The following MYRFL variants were observed in gnomAD, a reference collection of about 807,000 sequenced individuals.
MYRFL encodes the protein myelin regulatory factor-like protein.
Under a neutral mutation model 109.4 loss-of-function variants are expected in MYRFL, and 88 were observed. That is an observed-to-expected ratio of 0.80 (90% CI 0.68 to 0.96). MYRFL has a LOEUF of 0.96. MYRFL is among the 40% of genes least tolerant of loss of function. MYRFL has a pLI of 0.00. For missense variants in MYRFL, 957 were observed against 954.9 expected (o/e 1.00, Z -0.03); for synonymous variants, 324 against 320.9 (o/e 1.01, Z -0.10).
At chr12:69,847,211 G>A (rs1883611932) in intron 1 of MYRFL, among the ~76,000 whole-genome samples, 1 of 152,066 alleles carries the variant, frequency 6.6e-6, no homozygotes, top group African/African-American at 2.4e-5. Context: ...ACATTTCAAG[G>A]CCCTTTTGTT....
chr12:69,896,148 G>A (rs1304588307), intron 9 of MYRFL, among the ~76,000 whole-genome samples: 2 of 152,084 alleles, frequency 1.3e-5, no homozygotes, highest in Non-Finnish European at 2.9e-5. Flanking sequence ...TTACTAGGCG[G>A]GTGACCTTGG....
At chr12:69,944,786 G>T (rs1304264222) in intron 19 of MYRFL, among the ~76,000 whole-genome samples, 1 of 152,166 alleles carries the variant, frequency 6.6e-6, no homozygotes, top group Non-Finnish European at 1.5e-5. Context: ...TAGATGACGG[G>T]TTGATGGGTG....
chr12:69,879,217 GC>G lies in MYRFL; in HGVS notation c.231del (p.Thr78GlnfsTer64), dbSNP rs1157014940. The G allele has an allele frequency of 7.1e-6, 5 of 702,680 alleles. No individual in the cohort carries two copies. The allele number at this position is 702,680 out of a possible 1,614,324, so 43.5% of individuals were successfully genotyped here. A position where few individuals can be genotyped will look rare whatever the true frequency, so the allele number is the denominator to read the frequency against. Reference protein sequence around the residue: ...VKGACYPTLRPTAGRTPAPFL... With the variant: ...VKGACYPTLRXTAGRTPAPFL... ...CAGGTGCATGCTACCCAACCCTGAG[GC>G]CCACAGCTGGGAGGACTCCAGCTCC... is the stretch of plus-strand genomic sequence containing the variant. On this transcript the variant is annotated frameshift_variant, in exon 4 of 25. Coordinates refer to ENST00000552032, the MANE Select transcript of MYRFL (RefSeq NM_182530.3). LOFTEE classifies it high-confidence loss of function.
chr12:69,907,563 G>T (rs917503857), intron 11 of MYRFL, among the ~76,000 whole-genome samples: 3 of 152,160 alleles, frequency 2.0e-5, no homozygotes, highest in African/African-American at 7.2e-5. Context: ...AACTGGGTAG[G>T]GCCTAGGCAG....
chr12:69,910,076 A>G lies in MYRFL; in HGVS notation c.1491A>G (p.Thr497=), dbSNP rs1179715436. 6.7e-7 allele frequency: 1 copy of G among 1,500,630 alleles called. No individual in the cohort carries two copies. The highest frequency in any genetic ancestry group is 8.8e-7 in the Non-Finnish European group (1 of 1,132,604). 93.0% of individuals were successfully genotyped at this position (1,500,630 alleles called of 1,614,324 possible). ...SAMGINTAHQ[T]GMIAQEVQEI... ...TGGGAATAAACACTGCCCATCAAAC[A>G]GGTACACACACAAATTCCCCTTTTA... The change falls in exon 12 of 25, where the codon ACA becomes ACG. Residue 497 remains threonine (T), a splice_region_variant and synonymous_variant. Transcript: ENST00000552032.
intron 6 of MYRFL, 39 bp from the exon 7 acceptor site, chr12:69,890,932 A>C: frequency 7.3e-7 from 1 of 1,377,812 alleles, no homozygotes; most frequent in Non-Finnish European, 9.4e-7. Context: ...ATATATGGAA[A>C]CATTTGTAAA....
chr12:69,907,953 A>G (rs537901165), intron 11 of MYRFL, among the ~76,000 whole-genome samples: 2 of 152,146 alleles, frequency 1.3e-5, no homozygotes, highest in Non-Finnish European at 2.9e-5. Context: ...TATGACCTGC[A>G]AGGCCCTCCC....
chr12:69,914,893 G>A (rs552496037), intron 13 of MYRFL, among the ~76,000 whole-genome samples: 2 of 152,176 alleles, frequency 1.3e-5, no homozygotes, highest in Non-Finnish European at 2.9e-5. Flanking sequence ...AATCTATGGA[G>A]ATGTCACTAA....
intron 13 of MYRFL, among the ~76,000 whole-genome samples, chr12:69,922,450 T>C (rs1220051727): frequency 6.6e-6 from 1 of 152,192 alleles, no homozygotes; most frequent in Non-Finnish European, 1.5e-5. Flanking sequence ...AAAACACTTT[T>C]AATGAAAAAT....
chr12:69,890,852 T>G (rs2136338065), intron 6 of MYRFL, 119 bp from the exon 7 acceptor site: 1 of 678,840 alleles, frequency 1.5e-6, no homozygotes, highest in Non-Finnish European at 2.1e-6. Flanking sequence ...TGATTAAATA[T>G]AGCAAAAGGC....
At chr12:69,923,115 T>C (rs1464344446) in intron 13 of MYRFL, among the ~76,000 whole-genome samples, 1 of 152,244 alleles carries the variant, frequency 6.6e-6, no homozygotes, top group Non-Finnish European at 1.5e-5. Context: ...GCACATTTGA[T>C]TCTTTGTTCT....
At chr12:69,864,329 A>G (rs11177911) in intron 2 of MYRFL, among the ~76,000 whole-genome samples, 16,266 of 148,228 alleles carry the variant, frequency 0.11, 1,195 homozygotes, top group Middle Eastern at 0.19. Context: ...GGCTCAGTTC[A>G]TTTTTTTTTC....
Position 69,910,939 on chromosome 12 carries a change from T to C in MYRFL, c.1602+9T>C. On this transcript the variant is annotated intron_variant, in intron 13 of 24. Coordinates refer to ENST00000552032, the MANE Select transcript of MYRFL (RefSeq NM_182530.3). ...TCCTCATGGTGGATAAGGTAATCAC[T>C]GAAAAGATATCAGCTGCTATAAGCT... 1 of 1,517,640 alleles carries C rather than the reference T, an allele frequency of 6.6e-7. No individual in the cohort carries two copies. The highest frequency in any genetic ancestry group is 8.8e-7 in the Non-Finnish European group (1 of 1,130,732). 94.0% of individuals were successfully genotyped at this position (1,517,640 alleles called of 1,614,324 possible). A position where few individuals can be genotyped will look rare whatever the true frequency, so the allele number is the denominator to read the frequency against.
At chr12:69,885,735 G>A (rs919609274) in intron 5 of MYRFL, among the ~76,000 whole-genome samples, 3 of 152,180 alleles carry the variant, frequency 2.0e-5, no homozygotes, top group Admixed American at 2.0e-4. Context: ...TTGCACATGT[G>A]AAATTGCTGT....
chr12:69,827,495 A>G (rs1029071890), intron 1 of MYRFL, among the ~76,000 whole-genome samples: 1 of 151,794 alleles, frequency 6.6e-6, no homozygotes, highest in African/African-American at 2.4e-5. Flanking sequence ...GCTAAAGCAG[A>G]AGAGGCGCAA....
At chr12:69,862,972 T>G (rs1439651216) in intron 2 of MYRFL, among the ~76,000 whole-genome samples, 13 of 152,092 alleles carry the variant, frequency 8.5e-5, no homozygotes, top group Non-Finnish European at 1.6e-4. Context: ...GTTGTTGAAT[T>G]TTGTCAAAGG....
At chr12:69,920,554 T>A (rs1954879420) in intron 13 of MYRFL, among the ~76,000 whole-genome samples, 1 of 150,860 alleles carries the variant, frequency 6.6e-6, no homozygotes, top group South Asian at 2.1e-4. Flanking sequence ...GGATGAAATA[T>A]AAGCTCTGTC....
chr12:69,957,491 C>T (rs1009648390), intron 22 of MYRFL, among the ~76,000 whole-genome samples: 5 of 152,090 alleles, frequency 3.3e-5, no homozygotes, highest in East Asian at 1.9e-4. Flanking sequence ...TTTGGGTGGC[C>T]GAGGCGTTAG....
At chr12:69,833,700 AGTCT>A (rs1882769014) in intron 1 of MYRFL, among the ~76,000 whole-genome samples, 1 of 152,180 alleles carries the variant, frequency 6.6e-6, no homozygotes, top group Admixed American at 6.5e-5. Flanking sequence ...TTTGGACAGA[AGTCT>A]GTCTGGCTCT....
Sources: allele counts gnomAD v4.1 joint callset (sites outside exome capture counted in the v4.1 genomes callset), GRCh38; gene constraint gnomAD v4.1.1; transcripts MANE v1.5; gene names NCBI Gene and HGNC (gene_info 2026-07-23, HGNC 2026-07-21).